The following ZNF674 variants were observed in gnomAD, a reference collection of about 807,000 sequenced individuals.
ZNF674 encodes the protein zinc finger protein 674.
A neutral mutation model predicts 7.0 loss-of-function variants in ZNF674; 2 were observed. The observed-to-expected ratio is 0.29, with a 90% CI of 0.12 to 0.90. The LOEUF (loss-of-function observed/expected upper bound fraction) is 0.90, where lower values mean the gene tolerates loss of function less well. Ranked by LOEUF, ZNF674 falls within the 40% of genes least tolerant of loss-of-function variation. ZNF674 has a pLI of 0.57. For missense variants in ZNF674, 297 were observed against 415.5 expected (o/e 0.71, Z 2.48); for synonymous variants, 103 against 145.2 (o/e 0.71, Z 2.09).
intron 5 of ZNF674, chrX:46,523,761 A>C (rs756791629): frequency 8.9e-6 from 1 of 111,905 alleles, no homozygotes; most frequent in East Asian, 2.8e-4. Flanking sequence ...ACAAATTTGT[A>C]GCCGGGTGCA....
At chrX:46,523,081 A>G in intron 5 of ZNF674, 1 of 239,004 alleles carries the variant, frequency 4.2e-6, no homozygotes, top group Non-Finnish European at 7.8e-6. Context: ...CGTGTTCTAA[A>G]TGCTCTTCTG....
intron 5 of ZNF674, 70 bp from the exon 6 acceptor site, chrX:46,501,405 A>C: frequency 2.9e-6 from 3 of 1,048,807 alleles, no homozygotes; most frequent in South Asian, 2.1e-5. Flanking sequence ...TAATCCCTAA[A>C]TGCCCAAGCA....
rs189261220 is a variant in ZNF674, at chrX:46,528,538, C to A, written c.143-93G>T. 6.2e-5 allele frequency: 64 copies of A among 1,024,637 alleles called. 1 individual carries two copies. The East Asian group carries it at 1.9e-3, about 31-fold the overall frequency. 84.4% of individuals were successfully genotyped at this position (1,024,637 alleles called of 1,213,427 possible). ...CTGCAGGCTGAAGGTGGCACGGCCT[C>A]GGTGATGGCCCCATGCACACAGCTA... On this transcript the variant is annotated intron_variant, in intron 4 of 5. Transcript: ENST00000683375.
rs1282786489 is a variant in ZNF674 at position 46,542,061 on chromosome X, A to G, written c.15+12T>C. On this transcript the variant is annotated intron_variant, in intron 3 of 5. Coordinates refer to ENST00000683375, the MANE Select transcript of ZNF674 (RefSeq NM_001190417.2). ...TTCACTGGAAAAAAAGTAGGGGTAC[A>G]TTAGAACTCACCTGGGACATGGCCA... 7.5e-6 allele frequency: 9 copies of G among 1,203,757 alleles called. No individual in the cohort carries two copies. The highest frequency in any genetic ancestry group is 1.0e-5 in the Non-Finnish European group (9 of 888,725).
At chrX:46,519,273 T>TGATTGATAGATAGATA (rs1556015427) in intron 5 of ZNF674, among the ~76,000 whole-genome samples, 6 of 75,080 alleles carry the variant, frequency 8.0e-5, no homozygotes, top group Admixed American at 1.5e-4. Context: ...TAAAGATAGA[T>TGATTGATAGATAGATA]GATAGATAGA....
intron 5 of ZNF674, among the ~76,000 whole-genome samples, chrX:46,520,977 A>G (rs1297136849): frequency 1.8e-5 from 2 of 111,313 alleles, no homozygotes; most frequent in East Asian, 5.6e-4. Context: ...GCCTGAGCTC[A>G]GGAGTTTGAG....
Position 46,500,505 on chromosome X carries a change from G to A in ZNF674, c.1069C>T (p.His357Tyr). 8.3e-7 allele frequency: 1 copy of A among 1,211,711 alleles called. No homozygotes were observed. ...HTSEKPQCSEHGKASDEKPSP... is the reference protein window; with the variant it reads ...HTSEKPQCSEYGKASDEKPSP... ...GGCTTCTCATCAGAGGCTTTCCCAT[G>A]TTCACTGCACTGAGGTTTCTCACTT... The change falls in exon 6 of 6, where the codon CAT becomes TAT. Residue 357 changes from histidine (H) to tyrosine (Y), a missense_variant. His to Tyr is a moderately conservative substitution (Grantham distance 83). Transcript: ENST00000683375.
At chrX:46,519,273 T>TGATAGATA (rs57724981) in intron 5 of ZNF674, among the ~76,000 whole-genome samples, 5,675 of 74,372 alleles carry the variant, frequency 0.076, 284 homozygotes, top group East Asian at 0.11. Flanking sequence ...TAAAGATAGA[T>TGATAGATA]GATAGATAGA....
chrX:46,505,444 C>G (rs1435893000), intron 5 of ZNF674, among the ~76,000 whole-genome samples: 1 of 111,089 alleles, frequency 9.0e-6, no homozygotes, highest in East Asian at 2.8e-4. Context: ...AGAAATTAAC[C>G]AAAGGCAAAC....
intron 1 of ZNF674, among the ~76,000 whole-genome samples, 167 bp from the exon 2 acceptor site, chrX:46,544,778 C>G (rs757434525): frequency 5.4e-5 from 6 of 111,979 alleles, no homozygotes; most frequent in African/African-American, 1.3e-4. Context: ...CCTCAGTGAG[C>G]GAAACCCTGC....
intron 3 of ZNF674, among the ~76,000 whole-genome samples, chrX:46,537,940 T>C (rs1361414662): frequency 9.0e-6 from 1 of 111,141 alleles, no homozygotes; most frequent in African/African-American, 3.3e-5. Context: ...AATACAAAAA[T>C]TAGCCAGGTA....
intron 5 of ZNF674, among the ~76,000 whole-genome samples, chrX:46,527,061 C>T (rs765978140): frequency 4.5e-5 from 5 of 111,230 alleles, no homozygotes; most frequent in South Asian, 3.8e-4. Context: ...GAGGTCAGTT[C>T]GAGACCAGCC....
In ZNF674 at chrX:46,498,422, T is replaced by C. The variant is rs1170359132; in HGVS notation, c.*1421A>G. On this transcript the variant is annotated 3_prime_UTR_variant, in exon 6 of 6. Coordinates refer to ENST00000683375, the MANE Select transcript of ZNF674 (RefSeq NM_001190417.2). ...GCTTTGCATTTTTGCACTGAAGATATTGATGAATAATATACGTAAGGTCTC... is the reference window on the plus strand; with the variant it reads ...GCTTTGCATTTTTGCACTGAAGATACTGATGAATAATATACGTAAGGTCTC... The C allele has an allele frequency of 9.0e-6, 1 of 111,431 alleles. No homozygotes were observed. Among genetic ancestry groups the C allele is most frequent in the Non-Finnish European group, 1.9e-5 (1 of 53,187 alleles). 9.2% of individuals were successfully genotyped at this position (111,431 alleles called of 1,213,427 possible).
rs1941921099 is a variant in ZNF674, at chrX:46,521,896, A to C, written c.238+6454T>G. Among the ~76,000 whole-genome samples, 4 of 94,052 alleles carry C rather than the reference A, an allele frequency of 4.3e-5. No individual in the cohort carries two copies. In the South Asian group the frequency reaches 2.0e-3, roughly 47 times the overall value. 81.7% of individuals were successfully genotyped at this position (94,052 alleles called of 115,157 possible). A position where few individuals can be genotyped will look rare whatever the true frequency, so the allele number is the denominator to read the frequency against. On this transcript the variant is annotated intron_variant, in intron 5 of 5. Transcript: ENST00000683375. ...AGAGCAAGACTCTGTCTCAAAAAAA[A>C]AGAAAAGAATAGAATAGAATAGAAA... is the stretch of plus-strand genomic sequence containing the variant.
At chrX:46,504,982 C>T (rs368871691) in intron 5 of ZNF674, among the ~76,000 whole-genome samples, 3 of 109,523 alleles carry the variant, frequency 2.7e-5, no homozygotes, top group Non-Finnish European at 5.7e-5. Context: ...CTCCGCCTCC[C>T]GAGTTCAAGA....
chrX:46,501,578 G>A (rs1289592183), intron 5 of ZNF674, among the ~76,000 whole-genome samples: 2 of 109,750 alleles, frequency 1.8e-5, no homozygotes, highest in African/African-American at 6.6e-5. Flanking sequence ...GGACCATAAG[G>A]CACAAATGTT....
intron 5 of ZNF674, among the ~76,000 whole-genome samples, chrX:46,511,749 C>T (rs1941657340): frequency 8.9e-6 from 1 of 112,296 alleles, no homozygotes; most frequent in Admixed American, 9.5e-5. Flanking sequence ...ACAGGCCGGG[C>T]GCAATGGCTC....
At chrX:46,527,053 G>A (rs1434262052) in intron 5 of ZNF674, among the ~76,000 whole-genome samples, 1 of 111,407 alleles carries the variant, frequency 9.0e-6, no homozygotes, top group Non-Finnish European at 1.9e-5. Context: ...AATCACCTGA[G>A]GTCAGTTCGA....
At chrX:46,513,715 A>C (rs1941707609) in intron 5 of ZNF674, among the ~76,000 whole-genome samples, 1 of 111,818 alleles carries the variant, frequency 8.9e-6, no homozygotes. Flanking sequence ...TACGGGACTC[A>C]AAAGGAATAG....
Sources: allele counts gnomAD v4.1 joint callset (sites outside exome capture counted in the v4.1 genomes callset), GRCh38; gene constraint gnomAD v4.1.1; transcripts MANE v1.5; gene names NCBI Gene and HGNC (gene_info 2026-07-23, HGNC 2026-07-21).